The following ENTREP1 variants were observed in gnomAD, a reference collection of about 807,000 sequenced individuals.
ENTREP1 encodes Friedreich ataxia region gene X123.
chr9:69,375,871 C>G, the ENTREP1 span: 1,109 of 1,612,280 alleles, frequency 6.9e-4, no homozygotes, highest in Non-Finnish European at 8.6e-4. Context: ...TAAGGTACCT[C>G]AAACAGATTC....
the ENTREP1 span, among the ~76,000 whole-genome samples, chr9:69,341,198 G>C: frequency 6.6e-6 from 1 of 151,378 alleles, no homozygotes; most frequent in Non-Finnish European, 1.5e-5. Flanking sequence ...TTTTTTTCTT[G>C]TCAATTAGAT....
the ENTREP1 span, chr9:69,377,826 G>A: frequency 2.1e-6 from 3 of 1,421,464 alleles, no homozygotes; most frequent in African/African-American, 1.4e-5. Flanking sequence ...CTCACCACAT[G>A]AGATCTCACT....
At chr9:69,349,038 G>A in the ENTREP1 span, among the ~76,000 whole-genome samples, 1 of 151,894 alleles carries the variant, frequency 6.6e-6, no homozygotes, top group African/African-American at 2.4e-5. Flanking sequence ...ACAAAAATTA[G>A]CCAGGCATGG....
chr9:69,387,912 A>C, the ENTREP1 span: 2 of 1,446,726 alleles, frequency 1.4e-6, no homozygotes, highest in African/African-American at 1.4e-5. Flanking sequence ...ATCTGGCTTT[A>C]CCTTGGGGGT....
the ENTREP1 span, among the ~76,000 whole-genome samples, chr9:69,374,666 T>C: frequency 6.6e-6 from 1 of 152,094 alleles, no homozygotes; most frequent in Non-Finnish European, 1.5e-5. Context: ...CTCCAGAAAA[T>C]TCAAATGTAC....
At chr9:69,358,902 C>CTT in the ENTREP1 span, among the ~76,000 whole-genome samples, 18 of 96,360 alleles carry the variant, frequency 1.9e-4, no homozygotes, top group East Asian at 2.7e-4. Context: ...CTTTTTCTTT[C>CTT]TTTTTTTTTT....
chr9:69,370,848 A>G, the ENTREP1 span, among the ~76,000 whole-genome samples: 3 of 152,172 alleles, frequency 2.0e-5, no homozygotes, highest in African/African-American at 4.8e-5. Flanking sequence ...CTTAATAATC[A>G]TGGCTCTCAA....
At chr9:69,356,088 C>A in the ENTREP1 span, among the ~76,000 whole-genome samples, 1 of 152,330 alleles carries the variant, frequency 6.6e-6, no homozygotes, top group African/African-American at 2.4e-5. Flanking sequence ...AGAACTTTTT[C>A]ATCATCCCAA....
the ENTREP1 span, among the ~76,000 whole-genome samples, chr9:69,371,979 G>C: frequency 2.0e-5 from 3 of 152,110 alleles, no homozygotes; most frequent in African/African-American, 7.2e-5. Flanking sequence ...ACCTTTGGAG[G>C]CCAGGTGTGT....
the ENTREP1 span, among the ~76,000 whole-genome samples, chr9:69,340,595 A>ATGCGTGTGTG: frequency 5.4e-4 from 78 of 145,648 alleles, 3 homozygotes; most frequent in East Asian, 3.3e-3. Flanking sequence ...GTATGTGTGC[A>ATGCGTGTGTG]TGCATGTGTG....
chr9:69,390,570 A>G, the ENTREP1 span, among the ~76,000 whole-genome samples: 3 of 152,194 alleles, frequency 2.0e-5, no homozygotes, highest in Non-Finnish European at 2.9e-5. Flanking sequence ...TTACAAATAA[A>G]TTGGCCTAAT....
the ENTREP1 span, among the ~76,000 whole-genome samples, chr9:69,360,012 G>A: frequency 6.6e-6 from 1 of 150,456 alleles, no homozygotes; most frequent in Admixed American, 6.6e-5. Flanking sequence ...AGCCATTTGA[G>A]GTATCACTCA....
the ENTREP1 span, among the ~76,000 whole-genome samples, chr9:69,364,609 A>G: frequency 1.3e-5 from 2 of 152,118 alleles, no homozygotes; most frequent in Non-Finnish European, 1.5e-5. Context: ...AGAGGCATCC[A>G]TTCTGAAGGT....
At chr9:69,324,677 T>A in the ENTREP1 span, 1 of 984,854 alleles carries the variant, frequency 1.0e-6, no homozygotes, top group South Asian at 4.7e-5. Context: ...CTCGGCGTCG[T>A]CCTTCCCGAA....
chr9:69,361,148 A>T, the ENTREP1 span, among the ~76,000 whole-genome samples: 1 of 152,150 alleles, frequency 6.6e-6, no homozygotes, highest in Non-Finnish European at 1.5e-5. Flanking sequence ...TAATTTGTAT[A>T]TGGTACCATG....
At chr9:69,348,561 C>T in the ENTREP1 span, among the ~76,000 whole-genome samples, 4 of 152,274 alleles carry the variant, frequency 2.6e-5, no homozygotes, top group Middle Eastern at 3.4e-3. Flanking sequence ...TTTCATCAGC[C>T]TCCAAAAAAA....
chr9:69,391,887 C>A, the ENTREP1 span: 13 of 1,284,482 alleles, frequency 1.0e-5, no homozygotes, highest in Admixed American at 1.1e-4. Context: ...TGGTCCACCT[C>A]AAAAAAAAGG....
chr9:69,365,435 T>C, the ENTREP1 span, among the ~76,000 whole-genome samples: 1 of 152,144 alleles, frequency 6.6e-6, no homozygotes, highest in African/African-American at 2.4e-5. Flanking sequence ...GTTACATGGA[T>C]AGCAACAAAA....
chr9:69,387,865 C>T, the ENTREP1 span: 5 of 1,309,622 alleles, frequency 3.8e-6, no homozygotes, highest in East Asian at 1.3e-4. Flanking sequence ...GAAACTTAAC[C>T]TCATTATGGT....
Sources: allele counts gnomAD v4.1 joint callset (sites outside exome capture counted in the v4.1 genomes callset), GRCh38; gene constraint gnomAD v4.1.1; transcripts MANE v1.5; gene names NCBI Gene and HGNC (gene_info 2026-07-23, HGNC 2026-07-21).